Variants in RBFOX3 observed in about 807,000 individuals in gnomAD.
RBFOX3 encodes the protein RNA binding protein fox-1 homolog 3.
In RBFOX3, 17 loss-of-function variants were observed where a neutral mutation model predicts 48.7. The observed-to-expected ratio is 0.35, with a 90% confidence interval of 0.24 to 0.52. RBFOX3 has a LOEUF of 0.52. RBFOX3 is among the 20% of genes least tolerant of loss of function. The pLI is 0.94. For missense variants in RBFOX3, 382 were observed against 497.5 expected (o/e 0.77, Z 2.21); for synonymous variants, 212 against 209.5 (o/e 1.01, Z -0.10).
chr17:79,545,107 C>CTCTACCTTTT (rs1449405124), intron 1 of RBFOX3, among the ~76,000 whole-genome samples: 2 of 152,122 alleles, frequency 1.3e-5, no homozygotes, highest in African/African-American at 4.8e-5. Context: ...GACGGGGCCG[C>CTCTACCTTTT]TCTACCTTTT....
At chr17:79,404,214 C>T (rs28567579) in intron 2 of RBFOX3, among the ~76,000 whole-genome samples, 9,049 of 152,304 alleles carry the variant, frequency 0.059, 858 homozygotes, top group African/African-American at 0.2. Context: ...GGCGGGAAGC[C>T]GCAGGACTGA....
At chr17:79,265,157 C>G (rs1211586894) in intron 3 of RBFOX3, among the ~76,000 whole-genome samples, 1 of 152,220 alleles carries the variant, frequency 6.6e-6, no homozygotes, top group Non-Finnish European at 1.5e-5. Flanking sequence ...ACGCAGAACA[C>G]AAACAGTTCC....
intron 1 of RBFOX3, among the ~76,000 whole-genome samples, chr17:79,507,464 C>A (rs996347167): frequency 6.6e-6 from 1 of 152,096 alleles, no homozygotes; most frequent in Non-Finnish European, 1.5e-5. Context: ...CAGGTGCCCG[C>A]GGGATGCTGG....
chr17:79,334,943 C>A (rs866172702), intron 2 of RBFOX3, among the ~76,000 whole-genome samples: 1 of 152,244 alleles, frequency 6.6e-6, no homozygotes, highest in African/African-American at 2.4e-5. Flanking sequence ...CTTCCCTTGA[C>A]AAACCTTGGA....
In RBFOX3 at chr17:79,301,635, G is replaced by A. The variant is rs539672999; in HGVS notation, c.-74+6089C>T. ...TCTTCCATCACACAGTGTCAAGACA[G>A]TCATGACAATGCAGACCCACCCGCA... On this transcript the variant is annotated intron_variant, in intron 3 of 14. Coordinates refer to ENST00000693108, the MANE Select transcript of RBFOX3 (RefSeq NM_001350451.2). Among the ~76,000 whole-genome samples the A allele has an allele frequency of 2.0e-5, 3 of 152,312 alleles. No homozygotes were observed. In the East Asian group the frequency reaches 5.8e-4, roughly 29 times the overall value.
At chr17:79,293,641 C>T (rs1054969069) in intron 3 of RBFOX3, among the ~76,000 whole-genome samples, 3 of 151,920 alleles carry the variant, frequency 2.0e-5, no homozygotes, top group Non-Finnish European at 2.9e-5. Flanking sequence ...TTAGTAGAGA[C>T]GGGGTTTCAC....
chr17:79,439,410 C>T (rs1255553191), intron 2 of RBFOX3, among the ~76,000 whole-genome samples: 1 of 152,230 alleles, frequency 6.6e-6, no homozygotes, highest in African/African-American at 2.4e-5. Context: ...TCTCTCCTCG[C>T]CTTTGCCCAG....
rs575007602 is a variant in RBFOX3 at position 79,456,043 on chromosome 17, C to A, written c.-175+26411G>T. Among the ~76,000 whole-genome samples, 7 of 131,402 alleles carry A rather than the reference C, an allele frequency of 5.3e-5. No individual in the cohort carries two copies. The South Asian group carries it at 1.8e-3, about 33-fold the overall frequency. 86.2% of individuals were successfully genotyped at this position (131,402 alleles called of 152,430 possible). On this transcript the variant is annotated intron_variant, in intron 2 of 14. Coordinates refer to ENST00000693108, the MANE Select transcript of RBFOX3 (RefSeq NM_001350451.2). The stretch of plus-strand genomic sequence containing the variant: ...ACATCACACTGACCAGGTCCCACCC[C>A]AAGCCTTAAGGACATTGTACTGACC...
intron 4 of RBFOX3, among the ~76,000 whole-genome samples, chr17:79,161,944 A>G (rs2047069138): frequency 6.6e-6 from 1 of 152,180 alleles, no homozygotes; most frequent in South Asian, 2.1e-4. Context: ...AACCCACAAC[A>G]GTCGAAGGAG....
In RBFOX3 at chr17:79,593,056, G is replaced by A. The variant is rs936289462; in HGVS notation, c.-320+17770C>T. Among the ~76,000 whole-genome samples, 4 of 152,082 alleles carry A rather than the reference G, an allele frequency of 2.6e-5. No homozygotes were observed. The East Asian group carries it at 7.7e-4, about 29-fold the overall frequency. ...GGGGTCAGGGAAGGCAGCCCACACT[G>A]GGCTCTTGCCACTCTCGGGGGACAG... On this transcript the variant is annotated intron_variant, in intron 1 of 14. Transcript: ENST00000693108.
intron 4 of RBFOX3, among the ~76,000 whole-genome samples, chr17:79,160,134 T>C (rs1305055273): frequency 6.6e-6 from 1 of 152,236 alleles, no homozygotes; most frequent in East Asian, 1.9e-4. Context: ...TCCTGAGATC[T>C]GTGAGTAGAT....
At chr17:79,499,996 A>G (rs1435293046) in intron 1 of RBFOX3, among the ~76,000 whole-genome samples, 4 of 152,208 alleles carry the variant, frequency 2.6e-5, no homozygotes, top group African/African-American at 9.7e-5. Context: ...CTTGTTCAGA[A>G]TGAGGTGGAA....
At chr17:79,331,220 C>T (rs1481334567) in intron 2 of RBFOX3, among the ~76,000 whole-genome samples, 6 of 152,216 alleles carry the variant, frequency 3.9e-5, no homozygotes, top group Non-Finnish European at 7.3e-5. Context: ...GCTGTCCCTT[C>T]GGCCACCATC....
intron 3 of RBFOX3, among the ~76,000 whole-genome samples, chr17:79,304,669 T>C (rs2075849230): frequency 6.6e-6 from 1 of 152,118 alleles, no homozygotes; most frequent in African/African-American, 2.4e-5. Flanking sequence ...TGACTTTAAT[T>C]GAAAAAGAAA....
intron 4 of RBFOX3, among the ~76,000 whole-genome samples, chr17:79,177,471 G>A (rs904674415): frequency 5.3e-5 from 8 of 152,138 alleles, no homozygotes; most frequent in African/African-American, 1.7e-4. Flanking sequence ...TGGCTGCAGC[G>A]TTCTCCCCTG....
intron 1 of RBFOX3, among the ~76,000 whole-genome samples, chr17:79,513,715 C>T (rs1181228796): frequency 2.6e-5 from 4 of 152,210 alleles, no homozygotes; most frequent in African/African-American, 9.6e-5. Context: ...GGGAGCCGCA[C>T]AAGCTTGCCT....
the RBFOX3 span, among the ~76,000 whole-genome samples, chr17:79,642,113 C>A: frequency 6.6e-6 from 1 of 152,088 alleles, no homozygotes; most frequent in Non-Finnish European, 1.5e-5. Flanking sequence ...AAGCCAGACA[C>A]AGAATGACAA....
chr17:79,115,687 T>C lies in RBFOX3; in HGVS notation c.29A>G (p.Tyr10Cys). Residue 10 changes from tyrosine (Y) to cysteine (C), a missense_variant, in exon 5 of 15, where the codon TAC becomes TGC. By Grantham distance (194) the Tyr-to-Cys change is radical. Coordinates refer to ENST00000693108, the MANE Select transcript of RBFOX3 (RefSeq NM_001350451.2). ...GATGCCGTTCTGTGGCGGAGGGGGGTACTGGGCGGGGGGGTAGGGCTGGGC... is the reference window on the plus strand; with the variant it reads ...GATGCCGTTCTGTGGCGGAGGGGGGCACTGGGCGGGGGGGTAGGGCTGGGC... MAQPYPPAQ[Y>C]PPPPQNGIPA... The C allele has an allele frequency of 3.6e-6, 1 of 281,494 alleles. No homozygotes were observed. The highest frequency in any genetic ancestry group is 6.3e-6 in the Non-Finnish European group (1 of 158,178). The allele number at this position is 281,494 out of a possible 1,614,324, so 17.4% of individuals were successfully genotyped here.
intron 2 of RBFOX3, among the ~76,000 whole-genome samples, chr17:79,431,467 C>T (rs558559716): frequency 3.3e-5 from 5 of 150,132 alleles, no homozygotes; most frequent in African/African-American, 9.8e-5. Context: ...GTGCCCCCCA[C>T]CCCCCACCAT....
Sources: gnomAD v4.1 joint callset for allele counts (sites outside exome capture counted in the v4.1 genomes callset) on GRCh38, gnomAD v4.1.1 for gene constraint, MANE v1.5 for transcripts, NCBI Gene and HGNC (gene_info 2026-07-23, HGNC 2026-07-21) for gene names.